TIFAB: variants seen among roughly 807,000 people sequenced by gnomAD.
TIFAB encodes TRAF-interacting protein with FHA domain-containing protein B.
For missense variants in TIFAB, 222 were observed against 203.6 expected (o/e 1.09, Z -0.55); for synonymous variants, 116 against 95.2 (o/e 1.22, Z -1.27).
chr5:135,448,459 C>T lies in TIFAB; in HGVS notation c.*995G>A, dbSNP rs1405992701. On this transcript the variant is annotated 3_prime_UTR_variant, in exon 2 of 2. Coordinates refer to ENST00000537858, the MANE Select transcript of TIFAB (RefSeq NM_001099221.2). ...CTCCTGCCCTTGGCGTACCTGGCTC[C>T]TAACGAGTCCCTTATTTGGAAGGAA... 1.3e-5 allele frequency: 2 copies of T among 152,076 alleles called. No homozygotes were observed. The highest frequency in any genetic ancestry group is 2.9e-5 in the Non-Finnish European group (2 of 68,048). The allele number at this position is 152,076 out of a possible 1,614,324, so 9.4% of individuals were successfully genotyped here.
rs1443551128 is a variant in TIFAB at position 135,445,114 on chromosome 5, C to T, written c.*4340G>A. ...TCTGATTGCTATCCTCAGAGCCCCT[C>T]CAGGGTCTCCTTGGCAGGGGCTGTC... On this transcript the variant is annotated 3_prime_UTR_variant, in exon 2 of 2. Transcript: ENST00000537858. 1 of 152,182 alleles carries T rather than the reference C, an allele frequency of 6.6e-6. No homozygotes were observed. The highest frequency in any genetic ancestry group is 2.4e-5 in the African/African-American group (1 of 41,438). The allele number at this position is 152,182 out of a possible 1,614,324, so 9.4% of individuals were successfully genotyped here. A position where few individuals can be genotyped will look rare whatever the true frequency, so the allele number is the denominator to read the frequency against.
Position 135,449,425 on chromosome 5 carries a change from G to A in TIFAB, c.*29C>T, listed in dbSNP as rs765788082. Reference sequence around the variant, plus strand: ...GGCTGTCCCAAGTCTGGGAAGGGCCGTGGAGAAACCCCAGGCAACCTGGAT... The same window carrying A: ...GGCTGTCCCAAGTCTGGGAAGGGCCATGGAGAAACCCCAGGCAACCTGGAT... On this transcript the variant is annotated 3_prime_UTR_variant, in exon 2 of 2. Coordinates refer to ENST00000537858, the MANE Select transcript of TIFAB (RefSeq NM_001099221.2). The A allele has an allele frequency of 4.4e-6, 7 of 1,607,776 alleles. No homozygotes were observed. Among genetic ancestry groups the A allele is most frequent in the Admixed American group, 1.7e-5 (1 of 59,796 alleles).
At chr5:135,450,044 T>A in intron 1 of TIFAB, 95 bp from the exon 2 acceptor site, 7 of 1,443,902 alleles carry the variant, frequency 4.8e-6, no homozygotes, top group Non-Finnish European at 6.5e-6. Flanking sequence ...TCAGGGGCCC[T>A]GTGCCTGTTC....
In TIFAB at chr5:135,446,494, C is replaced by G. The variant is rs778257691; in HGVS notation, c.*2960G>C. ...AGGTGAGGGATAGTGATATCAAGTGCGAAGACCAGGCCCTGAAGCCAGCCT... is the reference window on the plus strand; with the variant it reads ...AGGTGAGGGATAGTGATATCAAGTGGGAAGACCAGGCCCTGAAGCCAGCCT... On this transcript the variant is annotated 3_prime_UTR_variant, in exon 2 of 2. Coordinates refer to ENST00000537858, the MANE Select transcript of TIFAB (RefSeq NM_001099221.2). The G allele has an allele frequency of 6.2e-7, 1 of 1,613,936 alleles. No homozygotes were observed. The highest frequency in any genetic ancestry group is 8.5e-7 in the Non-Finnish European group (1 of 1,179,888).
chr5:135,446,397 T>A lies in TIFAB; in HGVS notation c.*3057A>T, dbSNP rs139885262. The A allele has an allele frequency of 2.5e-6, 4 of 1,607,190 alleles. No homozygotes were observed. Among genetic ancestry groups the A allele is most frequent in the Non-Finnish European group, 3.4e-6 (4 of 1,174,704 alleles). ...GTTCACTCAGGCACGTGGGCTGCCCTGCGGTGGGAGCTGAGAGAATGCAGT... is the reference window on the plus strand; with the variant it reads ...GTTCACTCAGGCACGTGGGCTGCCCAGCGGTGGGAGCTGAGAGAATGCAGT... On this transcript the variant is annotated 3_prime_UTR_variant, in exon 2 of 2. Transcript: ENST00000537858.
Position 135,446,211 on chromosome 5 carries a change from T to A in TIFAB, c.*3243A>T. The A allele has an allele frequency of 1.2e-6, 1 of 843,268 alleles. No individual in the cohort carries two copies. The highest frequency in any genetic ancestry group is 1.8e-6 in the Non-Finnish European group (1 of 551,526). 52.2% of individuals were successfully genotyped at this position (843,268 alleles called of 1,614,324 possible). A position where few individuals can be genotyped will look rare whatever the true frequency, so the allele number is the denominator to read the frequency against. ...TGGCACGGAGAGATTCAGTTACTTG[T>A]CCAGGATCACAGAACTATAGTAAGT... On this transcript the variant is annotated 3_prime_UTR_variant, in exon 2 of 2. Coordinates refer to ENST00000537858, the MANE Select transcript of TIFAB (RefSeq NM_001099221.2).
Position 135,449,928 on chromosome 5 carries a change from G to C in TIFAB, c.12C>G (p.Pro4=). 1.3e-6 allele frequency: 2 copies of C among 1,519,358 alleles called. No homozygotes were observed. The highest frequency in any genetic ancestry group is 3.6e-4 in the Middle Eastern group (2 of 5,596). 94.1% of individuals were successfully genotyped at this position (1,519,358 alleles called of 1,614,324 possible). MEK[P]LTVLRVSLYH... is the part of the protein sequence containing the mutation. ...ACAGGCTCACTCGCAGGACGGTGAG[G>C]GGCTTCTCCATGGAAGAAGTCCTGG... Residue 4 remains proline (P), a synonymous_variant, in exon 2 of 2, where the codon CCC becomes CCG. Transcript: ENST00000537858.
chr5:135,446,448 GC>G lies in TIFAB; in HGVS notation c.*3005del, dbSNP rs1561706761. The G allele has an allele frequency of 6.2e-7, 1 of 1,613,160 alleles. No individual in the cohort carries two copies. The stretch of plus-strand genomic sequence containing the variant: ...GGAGGTTGTTGGGAGGAACTCACCC[GC>G]CTGCTCTGGCTGTCTGAGCAGGTGA... On this transcript the variant is annotated 3_prime_UTR_variant, in exon 2 of 2. Transcript: ENST00000537858.
At position 135,446,226 on chromosome 5, in the gene TIFAB, C is replaced by CTA. The variant is rs1769257159; in HGVS notation, c.*3226_*3227dup. Reference sequence around the variant, plus strand: ...CAGTTACTTGTCCAGGATCACAGAACTATAGTAAGTGGGGGTGGGGACAAG... The same window carrying CTA: ...CAGTTACTTGTCCAGGATCACAGAACTATATAGTAAGTGGGGGTGGGGACAAG... On this transcript the variant is annotated 3_prime_UTR_variant, in exon 2 of 2. Transcript: ENST00000537858. 11 of 947,096 alleles carry CTA rather than the reference C, an allele frequency of 1.2e-5. No individual in the cohort carries two copies. The Admixed American group carries it at 2.8e-4, about 24-fold the overall frequency. The allele number at this position is 947,096 out of a possible 1,614,324, so 58.7% of individuals were successfully genotyped here. A position where few individuals can be genotyped will look rare whatever the true frequency, so the allele number is the denominator to read the frequency against.
Position 135,450,154 on chromosome 5 carries a change from C to G in TIFAB, c.-10-205G>C, listed in dbSNP as rs114782108. Among the ~76,000 whole-genome samples, 1,044 of 152,296 alleles carry G rather than the reference C, an allele frequency of 6.9e-3. 20 individuals carry two copies. Among genetic ancestry groups the G allele is most frequent in the African/African-American group, 0.024 (997 of 41,538 alleles). ...TCATACTCTGAATAGAACATGCCAC[C>G]CACTCTGTCTGACTTTTGGATTTCT... On this transcript the variant is annotated intron_variant, in intron 1 of 1. Coordinates refer to ENST00000537858, the MANE Select transcript of TIFAB (RefSeq NM_001099221.2).
chr5:135,447,451 T>A lies in TIFAB; in HGVS notation c.*2003A>T, dbSNP rs1169180052. 3.1e-6 allele frequency: 1 copy of A among 320,804 alleles called. No homozygotes were observed. The highest frequency in any genetic ancestry group is 5.8e-6 in the Non-Finnish European group (1 of 173,822). 19.9% of individuals were successfully genotyped at this position (320,804 alleles called of 1,614,324 possible). A position where few individuals can be genotyped will look rare whatever the true frequency, so the allele number is the denominator to read the frequency against. ...TAGCTAACCCTTATTAAGTGTGTGC[T>A]GGGCACTGATTGAATGCTTTACAGG... On this transcript the variant is annotated 3_prime_UTR_variant, in exon 2 of 2. Coordinates refer to ENST00000537858, the MANE Select transcript of TIFAB (RefSeq NM_001099221.2).
At chr5:135,451,463 G>A (rs1383253657) in intron 1 of TIFAB, among the ~76,000 whole-genome samples, 1 of 151,244 alleles carries the variant, frequency 6.6e-6, no homozygotes, top group Non-Finnish European at 1.5e-5. Context: ...GCCATAGTCT[G>A]CCGAAAGCCT....
At position 135,446,785 on chromosome 5, in the gene TIFAB, C is replaced by G. The variant is rs771605919; in HGVS notation, c.*2669G>C. On this transcript the variant is annotated 3_prime_UTR_variant, in exon 2 of 2. Transcript: ENST00000537858. ...TGCTGCTATGCAGTTCATCCTGGGT[C>G]CCTGAGGGCCTCGCAGATGCTTCAC... 2 of 1,613,940 alleles carry G rather than the reference C, an allele frequency of 1.2e-6. No individual in the cohort carries two copies. Among genetic ancestry groups the G allele is most frequent in the South Asian group, 1.1e-5 (1 of 91,082 alleles).
At position 135,448,464 on chromosome 5, in the gene TIFAB, G is replaced by T. The variant is rs766897147; in HGVS notation, c.*990C>A. On this transcript the variant is annotated 3_prime_UTR_variant, in exon 2 of 2. Coordinates refer to ENST00000537858, the MANE Select transcript of TIFAB (RefSeq NM_001099221.2). ...GCCCTTGGCGTACCTGGCTCCTAAC[G>T]AGTCCCTTATTTGGAAGGAATTCCC... 6.6e-6 allele frequency: 1 copy of T among 151,318 alleles called. No homozygotes were observed. 9.4% of individuals were successfully genotyped at this position (151,318 alleles called of 1,614,324 possible).
In TIFAB at chr5:135,444,777, G is replaced by A. The variant is rs1305462426; in HGVS notation, c.*4677C>T. On this transcript the variant is annotated 3_prime_UTR_variant, in exon 2 of 2. Coordinates refer to ENST00000537858, the MANE Select transcript of TIFAB (RefSeq NM_001099221.2). ...GACCTGGAAACAGCCCCTTGACAAA[G>A]TCTTGCTCTACACGTTTCTGTAGTG... The A allele has an allele frequency of 2.6e-5, 4 of 152,198 alleles. No homozygotes were observed. Among genetic ancestry groups the A allele is most frequent in the Non-Finnish European group, 5.9e-5 (4 of 68,054 alleles). 9.4% of individuals were successfully genotyped at this position (152,198 alleles called of 1,614,324 possible). A position where few individuals can be genotyped will look rare whatever the true frequency, so the allele number is the denominator to read the frequency against.
In TIFAB at chr5:135,447,460, A is replaced by T. The variant is rs1484643440; in HGVS notation, c.*1994T>A. 2.0e-5 allele frequency: 6 copies of T among 292,842 alleles called. No individual in the cohort carries two copies. Among genetic ancestry groups the T allele is most frequent in the Non-Finnish European group, 3.8e-5 (6 of 157,146 alleles). 18.1% of individuals were successfully genotyped at this position (292,842 alleles called of 1,614,324 possible). On this transcript the variant is annotated 3_prime_UTR_variant, in exon 2 of 2. Transcript: ENST00000537858. ...CTTATTAAGTGTGTGCTGGGCACTG[A>T]TTGAATGCTTTACAGGTGTCACCTT...
rs1198218215 is a variant in TIFAB at position 135,449,237 on chromosome 5, C to T, written c.*217G>A. On this transcript the variant is annotated 3_prime_UTR_variant, in exon 2 of 2. Transcript: ENST00000537858. ...ATTGGTTCATTATGAGCAAGGCAGC[C>T]AGTGGGTTTTGCTTGTCAACCTTGC... 2 of 695,964 alleles carry T rather than the reference C, an allele frequency of 2.9e-6. No individual in the cohort carries two copies. Among genetic ancestry groups the T allele is most frequent in the African/African-American group, 1.8e-5 (1 of 55,680 alleles). The allele number at this position is 695,964 out of a possible 1,614,324, so 43.1% of individuals were successfully genotyped here.
In TIFAB at chr5:135,446,492, T is replaced by C. The variant is rs758084071; in HGVS notation, c.*2962A>G. ...GCAGGTGAGGGATAGTGATATCAAG[T>C]GCGAAGACCAGGCCCTGAAGCCAGC... On this transcript the variant is annotated 3_prime_UTR_variant, in exon 2 of 2. Coordinates refer to ENST00000537858, the MANE Select transcript of TIFAB (RefSeq NM_001099221.2). The C allele has an allele frequency of 1.9e-5, 31 of 1,613,872 alleles. No homozygotes were observed. The Admixed American group carries it at 4.2e-4, about 22-fold the overall frequency.
In TIFAB at chr5:135,446,403, G is replaced by A. The variant is rs772669054; in HGVS notation, c.*3051C>T. On this transcript the variant is annotated 3_prime_UTR_variant, in exon 2 of 2. Transcript: ENST00000537858. ...TCAGGCACGTGGGCTGCCCTGCGGT[G>A]GGAGCTGAGAGAATGCAGTGGAGGT... is the stretch of plus-strand genomic sequence containing the variant. 3.1e-5 allele frequency: 50 copies of A among 1,608,448 alleles called. No individual in the cohort carries two copies. In the East Asian group the frequency reaches 1.1e-3, roughly 35 times the overall value.
Sources: allele counts gnomAD v4.1 joint callset (sites outside exome capture counted in the v4.1 genomes callset), GRCh38; gene constraint gnomAD v4.1.1; transcripts MANE v1.5; gene names NCBI Gene and HGNC (gene_info 2026-07-23, HGNC 2026-07-21).